Variants in SLC25A19 observed in about 807,000 individuals in gnomAD.
SLC25A19 encodes solute carrier family 25 member 19.
A neutral mutation model predicts 27.9 loss-of-function variants in SLC25A19; 18 were observed. The observed-to-expected ratio is 0.64, with a 90% CI of 0.45 to 0.96. SLC25A19 has a LOEUF of 0.96. SLC25A19 is among the 40% of genes least tolerant of loss of function. SLC25A19 has a pLI of 0.00. For synonymous variants in SLC25A19, 169 were observed against 167.1 expected (o/e 1.01, Z -0.09); for missense variants, 371 against 418.3 (o/e 0.89, Z 0.99).
At chr17:75,281,612 G>A (rs1267406767) in intron 5 of SLC25A19, among the ~76,000 whole-genome samples, 2 of 152,098 alleles carry the variant, frequency 1.3e-5, no homozygotes, top group East Asian at 3.8e-4. Context: ...CAGGAGAATC[G>A]CTTGAACCCA....
intron 5 of SLC25A19, among the ~76,000 whole-genome samples, chr17:75,282,566 T>C (rs923234338): frequency 1.4e-5 from 2 of 147,364 alleles, no homozygotes; most frequent in Admixed American, 1.4e-4. Flanking sequence ...AAAATAAAAA[T>C]AAAAATAGGT....
At chr17:75,285,597 G>C (rs1259113226) in intron 4 of SLC25A19, among the ~76,000 whole-genome samples, 1 of 152,234 alleles carries the variant, frequency 6.6e-6, no homozygotes, top group Non-Finnish European at 1.5e-5. Flanking sequence ...CTGCCTAGGT[G>C]GGGGTCGTGG....
intron 6 of SLC25A19, 59 bp downstream of exon 6, chr17:75,278,093 A>T (rs2077938067): frequency 1.3e-6 from 2 of 1,575,670 alleles, no homozygotes; most frequent in Non-Finnish European, 1.7e-6. Context: ...TGTGATTTGG[A>T]AGGGGGTGTT....
intron 7 of SLC25A19, among the ~76,000 whole-genome samples, chr17:75,276,557 G>A (rs985279070): frequency 5.7e-5 from 8 of 139,316 alleles, no homozygotes; most frequent in South Asian, 4.6e-4. Flanking sequence ...TAGTAGAAAC[G>A]GGGTTTCACC....
intron 6 of SLC25A19, 81 bp downstream of exon 6, chr17:75,278,071 C>G: frequency 6.6e-7 from 1 of 1,504,936 alleles, no homozygotes; most frequent in Non-Finnish European, 9.2e-7. Flanking sequence ...GACAGGAGAA[C>G]TTTAGCTCCT....
rs1485823985 is a variant in SLC25A19 at position 75,277,492 on chromosome 17, G to C, written c.644-9C>G. ...CAGGTTTTGGAGGTTCTCTGAACCA[G>C]AGAAGTGGGATTGGGAGAATGGATG... On this transcript the variant is annotated splice_polypyrimidine_tract_variant and intron_variant, in intron 6 of 7. Coordinates refer to ENST00000416858, the MANE Select transcript of SLC25A19 (RefSeq NM_001126121.2). 6.2e-7 allele frequency: 1 copy of C among 1,613,868 alleles called. No individual in the cohort carries two copies. The highest frequency in any genetic ancestry group is 1.1e-5 in the South Asian group (1 of 91,058).
Position 75,286,423 on chromosome 17 carries a change from C to G in SLC25A19, c.169G>C (p.Ala57Pro). 1.2e-6 allele frequency: 2 copies of G among 1,614,126 alleles called. No individual in the cohort carries two copies. Among genetic ancestry groups the G allele is most frequent in the Non-Finnish European group, 1.7e-6 (2 of 1,180,028 alleles). The part of the protein sequence containing the change: ...HERLSRSDPS[A>P]KYHGILQASR... ...GCCTGGAGGATGCCATGGTACTTTG[C>G]GCTGGGGTCACTGCGAGACAGGCGC... The change falls in exon 4 of 8, where the codon GCA becomes CCA. Residue 57 changes from alanine (A) to proline (P), a missense_variant. Ala to Pro is a conservative substitution (Grantham distance 27). Transcript: ENST00000416858.
At chr17:75,282,720 C>T (rs1275881860) in intron 5 of SLC25A19, among the ~76,000 whole-genome samples, 2 of 151,274 alleles carry the variant, frequency 1.3e-5, no homozygotes, top group Admixed American at 6.6e-5. Flanking sequence ...GGCGTGGTGG[C>T]GGGCACCTGT....
intron 5 of SLC25A19, among the ~76,000 whole-genome samples, chr17:75,278,928 A>C (rs1289167569): frequency 1.3e-5 from 2 of 151,472 alleles, no homozygotes; most frequent in African/African-American, 4.8e-5. Context: ...GGTTGCAGTG[A>C]GCTGAGATTG....
chr17:75,278,046 G>A (rs960302027), intron 6 of SLC25A19, 106 bp downstream of exon 6: 48 of 1,227,146 alleles, frequency 3.9e-5, no homozygotes, highest in African/African-American at 2.4e-4. Context: ...ACAGAGACCC[G>A]CGGTCTTTGA....
intron 6 of SLC25A19, among the ~76,000 whole-genome samples, chr17:75,277,812 C>T (rs1275907670): frequency 6.6e-6 from 1 of 151,768 alleles, no homozygotes; most frequent in Non-Finnish European, 1.5e-5. Flanking sequence ...CCAGCCTCCC[C>T]CTGCCCCCAT....
intron 7 of SLC25A19, among the ~76,000 whole-genome samples, chr17:75,276,377 T>C (rs1294554684): frequency 6.6e-6 from 1 of 152,220 alleles, no homozygotes; most frequent in Non-Finnish European, 1.5e-5. Context: ...TCTGTGTGCT[T>C]TAATATTTGG....
intron 4 of SLC25A19, 103 bp from the exon 5 acceptor site, chr17:75,283,696 AG>A (rs1316026110): frequency 1.2e-5 from 13 of 1,102,072 alleles, no homozygotes; most frequent in Non-Finnish European, 1.6e-5. Flanking sequence ...GCCCAGGTGG[AG>A]GGGCGAGGAA....
At position 75,284,633 on chromosome 17, in the gene SLC25A19, C is replaced by CATTT. The variant is rs776356552; in HGVS notation, c.289-1041_289-1040insAAAT. On this transcript the variant is annotated intron_variant, in intron 4 of 7. Transcript: ENST00000416858. Reference sequence around the variant, plus strand: ...GTGACCCCCTTACATTCAGATCTTTCTTTTTTTTTTTTTTTTTTTTTTTTT... The same window carrying CATTT: ...GTGACCCCCTTACATTCAGATCTTTCATTTTTTTTTTTTTTTTTTTTTTTTTTTT... 3.0e-3 allele frequency among the ~76,000 whole-genome samples: 333 copies of CATTT among 112,292 alleles called. 27 individuals are homozygous for CATTT. The highest frequency in any genetic ancestry group is 9.5e-3 in the African/African-American group (279 of 29,434). The allele number at this position is 112,292 out of a possible 152,430, so 73.7% of individuals were successfully genotyped here. A position where few individuals can be genotyped will look rare whatever the true frequency, so the allele number is the denominator to read the frequency against.
At chr17:75,284,547 C>T (rs2078135108) in intron 4 of SLC25A19, among the ~76,000 whole-genome samples, 2 of 151,760 alleles carry the variant, frequency 1.3e-5, no homozygotes, top group South Asian at 2.1e-4. Flanking sequence ...CACCTGGTGG[C>T]GGCACTGTTC....
At chr17:75,278,665 G>A (rs980677269) in intron 5 of SLC25A19, among the ~76,000 whole-genome samples, 9 of 152,128 alleles carry the variant, frequency 5.9e-5, no homozygotes, top group Admixed American at 2.6e-4. Flanking sequence ...ACCAGCTCAC[G>A]AGAGAATAGT....
At position 75,278,309 on chromosome 17, in the gene SLC25A19, C is replaced by T; in HGVS notation, c.486G>A (p.Val162=). The T allele has an allele frequency of 6.2e-7, 1 of 1,614,082 alleles. No homozygotes were observed. The highest frequency in any genetic ancestry group is 8.5e-7 in the Non-Finnish European group (1 of 1,180,016). Residue 162 remains valine (V), a synonymous_variant, in exon 6 of 8, where the codon GTG becomes GTA. Coordinates refer to ENST00000416858, the MANE Select transcript of SLC25A19 (RefSeq NM_001126121.2). ...GGCCTTCGCTCCTATACATGGTCCC[C>T]ACGGCGTGGCGCAGCGTATTATAGA... ...PKVYNTLRHA[V]GTMYRSEGPQ...
intron 4 of SLC25A19, among the ~76,000 whole-genome samples, chr17:75,285,891 C>G (rs2078169048): frequency 1.3e-5 from 2 of 152,360 alleles, no homozygotes; most frequent in South Asian, 4.1e-4. Flanking sequence ...CCGCCATGTG[C>G]AGGCTGTGTG....
At chr17:75,286,226 C>T in intron 4 of SLC25A19, 78 bp downstream of exon 4, 1 of 1,572,602 alleles carries the variant, frequency 6.4e-7, no homozygotes, top group Non-Finnish European at 8.7e-7. Context: ...CGCGGCATTC[C>T]TGCTTGCCTC....
Sources: gnomAD v4.1 joint callset for allele counts (sites outside exome capture counted in the v4.1 genomes callset) on GRCh38, gnomAD v4.1.1 for gene constraint, MANE v1.5 for transcripts, NCBI Gene and HGNC (gene_info 2026-07-23, HGNC 2026-07-21) for gene names.